The following HNRNPA2B1 variants were observed in gnomAD, a reference collection of about 807,000 sequenced individuals.
The protein encoded by HNRNPA2B1 is heterogeneous nuclear ribonucleoprotein A2/B1.
A neutral mutation model predicts 46.3 loss-of-function variants in HNRNPA2B1; 3 were observed. The observed-to-expected ratio is 0.06, with a 90% CI of 0.03 to 0.17. The LOEUF (loss-of-function observed/expected upper bound fraction) is 0.17, where lower values mean the gene tolerates loss of function less well. Ranked by LOEUF, HNRNPA2B1 falls within the 10% of genes least tolerant of loss-of-function variation. HNRNPA2B1 has a pLI of 1.00. For missense variants in HNRNPA2B1, 221 were observed against 418.9 expected (o/e 0.53, Z 4.12); for synonymous variants, 225 against 133.8 (o/e 1.68, Z -4.70).
chr7:26,193,167 T>G, intron 9 of HNRNPA2B1, 84 bp downstream of exon 9: 1 of 1,334,162 alleles, frequency 7.5e-7, no homozygotes, highest in South Asian at 1.3e-5. Flanking sequence ...TACAAACTAC[T>G]TAGTATGTTA....
intron 3 of HNRNPA2B1, 47 bp from the exon 4 acceptor site, chr7:26,197,064 A>T: frequency 6.8e-7 from 1 of 1,470,520 alleles, no homozygotes; most frequent in Non-Finnish European, 9.4e-7. Context: ...AAAAAACACA[A>T]GCATAATTCA....
rs1013011554 is a variant in HNRNPA2B1 at position 26,200,553 on chromosome 7, T to C, written c.6+19A>G. 1.9e-6 allele frequency: 3 copies of C among 1,612,942 alleles called. No individual in the cohort carries two copies. Among genetic ancestry groups the C allele is most frequent in the Non-Finnish European group, 2.5e-6 (3 of 1,179,888 alleles). On this transcript the variant is annotated intron_variant, in intron 1 of 10. Transcript: ENST00000618183. ...TCGCCATGCCCTTTTCAATAACTCA[T>C]TGATTTCAAACCCGTTACCTCCATC...
chr7:26,197,096 T>C (rs1460245642), intron 3 of HNRNPA2B1, 79 bp from the exon 4 acceptor site: 6 of 1,214,338 alleles, frequency 4.9e-6, no homozygotes, highest in African/African-American at 3.0e-5. Context: ...CGTAGTACCA[T>C]ACTTCGCTTG....
Position 26,192,480 on chromosome 7 carries a change from T to A in HNRNPA2B1, c.*21+15A>T, listed in dbSNP as rs751190025. 2 of 1,555,324 alleles carry A rather than the reference T, an allele frequency of 1.3e-6. No individual in the cohort carries two copies. The highest frequency in any genetic ancestry group is 1.8e-6 in the Non-Finnish European group (2 of 1,126,892). On this transcript the variant is annotated intron_variant, in intron 10 of 10. Coordinates refer to ENST00000618183, the MANE Select transcript of HNRNPA2B1 (RefSeq NM_002137.4). ...CCCAAGATAATAATAATTGTAAAACTCAAAAGCTACTTACCCATGGCAAAT... is the reference window on the plus strand; with the variant it reads ...CCCAAGATAATAATAATTGTAAAACACAAAAGCTACTTACCCATGGCAAAT...
At chr7:26,200,145 C>T (rs913499321) in intron 1 of HNRNPA2B1, 2 of 212,884 alleles carry the variant, frequency 9.4e-6, no homozygotes, top group South Asian at 1.5e-4. Context: ...ATGGCGGCCG[C>T]CAAATCCGGT....
In HNRNPA2B1 at chr7:26,195,917, G is replaced by C. The variant is rs780064326; in HGVS notation, c.659-8C>G. 6.3e-7 allele frequency: 1 copy of C among 1,598,506 alleles called. No homozygotes were observed. The highest frequency in any genetic ancestry group is 1.8e-5 in the Admixed American group (1 of 54,942). Reference sequence around the variant, plus strand: ...GTCCACTGCCATATCCATCTGTTAGGGGCCAAAAAAAGATTACGTTTACTA... The same window carrying C: ...GTCCACTGCCATATCCATCTGTTAGCGGCCAAAAAAAGATTACGTTTACTA... On this transcript the variant is annotated splice_region_variant and splice_polypyrimidine_tract_variant and intron_variant, in intron 6 of 10. Coordinates refer to ENST00000618183, the MANE Select transcript of HNRNPA2B1 (RefSeq NM_002137.4).
chr7:26,193,790 G>A (rs914768834), intron 7 of HNRNPA2B1, 96 bp from the exon 8 acceptor site: 9 of 1,055,886 alleles, frequency 8.5e-6, no homozygotes, highest in East Asian at 2.5e-5. Context: ...AAGTTTCCAT[G>A]TGAAATATTT....
rs1782845875 is a variant in HNRNPA2B1 at position 26,190,957 on chromosome 7, A to G, written c.*1403T>C. On this transcript the variant is annotated 3_prime_UTR_variant, in exon 11 of 11. Transcript: ENST00000618183. ...CAAGGGTGTAACGATGGGAAATCTC[A>G]TGATTTATTGAACTTGCAGCCTAAC... The G allele has an allele frequency of 6.6e-6, 1 of 152,598 alleles. No individual in the cohort carries two copies. The highest frequency in any genetic ancestry group is 2.4e-5 in the African/African-American group (1 of 41,452). The allele number at this position is 152,598 out of a possible 1,614,324, so 9.5% of individuals were successfully genotyped here.
In HNRNPA2B1 at chr7:26,190,367, C is replaced by CA. The variant is rs1009263779; in HGVS notation, c.*1992dup. ...AGTGCTTTTTAAATGAAGGCACCAA[C>CA]AAGAACTACTTTCAGATGGTACAGA... is the stretch of plus-strand genomic sequence containing the variant. On this transcript the variant is annotated 3_prime_UTR_variant, in exon 11 of 11. Transcript: ENST00000618183. 2.0e-5 allele frequency: 3 copies of CA among 152,574 alleles called. No homozygotes were observed. The highest frequency in any genetic ancestry group is 4.8e-5 in the African/African-American group (2 of 41,430). 9.5% of individuals were successfully genotyped at this position (152,574 alleles called of 1,614,324 possible). A position where few individuals can be genotyped will look rare whatever the true frequency, so the allele number is the denominator to read the frequency against.
At position 26,193,351 on chromosome 7, in the gene HNRNPA2B1, G is replaced by A. The variant is rs764565294; in HGVS notation, c.864C>T (p.Tyr288=). The change falls in exon 9 of 11, where the codon TAC becomes TAT. Residue 288 remains tyrosine, a synonymous_variant. Coordinates refer to ENST00000618183, the MANE Select transcript of HNRNPA2B1 (RefSeq NM_002137.4). ...YGGGNYGSGN[Y]NDFGNYNQQP... ...GCTGGTTATAATTTCCAAAATCATT[G>A]TAATTTCCACTTCCATAATTTCCTA... The A allele has an allele frequency of 3.2e-5, 52 of 1,611,092 alleles. 1 individual carries two copies. The highest frequency in any genetic ancestry group is 4.1e-5 in the Non-Finnish European group (48 of 1,177,472).
At chr7:26,193,186 T>G (rs1783108627) in intron 9 of HNRNPA2B1, 65 bp downstream of exon 9, 7 of 1,455,076 alleles carry the variant, frequency 4.8e-6, no homozygotes, top group Non-Finnish European at 5.7e-6. Flanking sequence ...TATCTTCCCT[T>G]TAAGTCACAA....
chr7:26,193,313 T>C lies in HNRNPA2B1; in HGVS notation c.902A>G (p.Tyr301Cys). The C allele has an allele frequency of 1.2e-6, 2 of 1,612,484 alleles. No individual in the cohort carries two copies. Among genetic ancestry groups the C allele is most frequent in the Non-Finnish European group, 1.7e-6 (2 of 1,178,554 alleles). The change falls in exon 9 of 11, where the codon TAC becomes TGC. Residue 301 changes from tyrosine to cysteine, a missense_variant. By Grantham distance (194) the Tyr-to-Cys change is radical. Transcript: ENST00000618183. ...AAAGTTTCCACTCTTCATTGGACCG[T>C]AGTTAGAAGGTTGCTGGTTATAATT... ...FGNYNQQPSN[Y>C]GPMKSGNFGG...
chr7:26,199,568 T>C (rs982113643), intron 1 of HNRNPA2B1: 1 of 152,120 alleles, frequency 6.6e-6, no homozygotes. Flanking sequence ...TTAAAATGAG[T>C]CAGCTCTACA....
Position 26,200,727 on chromosome 7 carries a change from G to T in HNRNPA2B1, c.-150C>A, listed in dbSNP as rs776308707. The stretch of plus-strand genomic sequence containing the variant: ...CTCTGCGAGGAGCACCTCCGCACGG[G>T]ACCCGGCGCTGCTGCTACTGCCGCT... On this transcript the variant is annotated 5_prime_UTR_variant, in exon 1 of 11. Coordinates refer to ENST00000618183, the MANE Select transcript of HNRNPA2B1 (RefSeq NM_002137.4). 2 of 973,180 alleles carry T rather than the reference G, an allele frequency of 2.1e-6. No individual in the cohort carries two copies. The highest frequency in any genetic ancestry group is 3.2e-6 in the Non-Finnish European group (2 of 615,838). The allele number at this position is 973,180 out of a possible 1,614,324, so 60.3% of individuals were successfully genotyped here.
At position 26,190,272 on chromosome 7, in the gene HNRNPA2B1, A is replaced by G. The variant is rs769705607; in HGVS notation, c.*2088T>C. On this transcript the variant is annotated 3_prime_UTR_variant, in exon 11 of 11. Transcript: ENST00000618183. The stretch of plus-strand genomic sequence containing the variant: ...GTTTTACAAACAACACTCATTTTGT[A>G]ATTGTTTTATATCAAGAACCTCAAC... 1.6e-4 allele frequency: 24 copies of G among 152,642 alleles called. No individual in the cohort carries two copies. The highest frequency in any genetic ancestry group is 3.5e-4 in the Non-Finnish European group (24 of 68,018). 9.5% of individuals were successfully genotyped at this position (152,642 alleles called of 1,614,324 possible).
intron 7 of HNRNPA2B1, among the ~76,000 whole-genome samples, chr7:26,194,379 G>A (rs1385425921): frequency 6.6e-6 from 1 of 151,344 alleles, no homozygotes; most frequent in East Asian, 1.9e-4. Flanking sequence ...CTGGGCGACA[G>A]AGAGAGACTC....
intron 3 of HNRNPA2B1, 93 bp downstream of exon 3, chr7:26,197,222 T>A (rs1035899277): frequency 1.6e-5 from 23 of 1,427,914 alleles, no homozygotes; most frequent in Non-Finnish European, 2.2e-5. Flanking sequence ...AGAGAAAAAA[T>A]CTTGAGTTAA....
Position 26,196,948 on chromosome 7 carries a change from C to G in HNRNPA2B1, c.334G>C (p.Glu112Gln), listed in dbSNP as rs1165925087. ...LFVGGIKEDT[E>Q]EHHLRDYFEE... ...AAGTAATCTCTAAGGTGATGTTCCT[C>G]AGTATCTTCTTTAATTCCGCCAACA... Residue 112 changes from glutamate to glutamine, a missense_variant, in exon 4 of 11, where the codon GAG becomes CAG. Around this residue, in one of 2 missense-constraint regions of HNRNPA2B1, gnomAD observed 78 missense variants for 218.5 expected, o/e 0.36. Coordinates refer to ENST00000618183, the MANE Select transcript of HNRNPA2B1 (RefSeq NM_002137.4). The G allele has an allele frequency of 6.2e-7, 1 of 1,613,620 alleles. No individual in the cohort carries two copies. Among genetic ancestry groups the G allele is most frequent in the Non-Finnish European group, 8.5e-7 (1 of 1,179,812 alleles).
intron 10 of HNRNPA2B1, 30 bp downstream of exon 10, chr7:26,192,465 T>C (rs954208863): frequency 1.4e-6 from 2 of 1,422,864 alleles, no homozygotes; most frequent in Non-Finnish European, 2.0e-6. Context: ...CCCAAGATAA[T>C]AATAATTGTA....
Sources: allele counts gnomAD v4.1 joint callset (sites outside exome capture counted in the v4.1 genomes callset), GRCh38; gene constraint gnomAD v4.1.1; regional missense constraint gnomAD v4.1.1; transcripts MANE v1.5; gene names NCBI Gene and HGNC (gene_info 2026-07-23, HGNC 2026-07-21).